MYBBP1A: variants seen among roughly 807,000 people sequenced by gnomAD.
MYBBP1A encodes myb-binding protein 1A.
Under a neutral mutation model 136.3 loss-of-function variants are expected in MYBBP1A, and 147 were observed. The observed-to-expected ratio is 1.08, with a 90% confidence interval of 0.94 to 1.24. The LOEUF (loss-of-function observed/expected upper bound fraction) is 1.24, where lower values mean the gene tolerates loss of function less well. MYBBP1A is among the 50% of genes most tolerant of loss of function. The probability of loss-of-function intolerance (pLI) is 0.00; values close to 1 mark genes in which losing one functional copy is unlikely to be tolerated. For synonymous variants in MYBBP1A, 947 were observed against 735.8 expected, an observed-to-expected ratio of 1.29 and a Z score of -4.65; for missense variants, 2,060 against 1,727.4, an observed-to-expected ratio of 1.19 and a Z score of -3.41.
At chr17:4,541,272 C>A (rs996033732) in intron 24 of MYBBP1A, among the ~76,000 whole-genome samples, 191 bp downstream of exon 24, 2 of 152,398 alleles carry the variant, frequency 1.3e-5, no homozygotes, top group Admixed American at 1.3e-4. Flanking sequence ...AGTCCCTTCC[C>A]AAGTCACTCA....
Position 4,555,331 on chromosome 17 carries a change from C to G in MYBBP1A, c.-7G>C, listed in dbSNP as rs1489345914. 1 of 1,590,582 alleles carries G rather than the reference C, an allele frequency of 6.3e-7. No homozygotes were observed. Among genetic ancestry groups the G allele is most frequent in the Non-Finnish European group, 8.5e-7 (1 of 1,169,834 alleles). ...CGGGATCCCGGCTCTCCATCTCCGC[C>G]ACACTCACCGAAACACGAAACACGT... On this transcript the variant is annotated 5_prime_UTR_variant, in exon 1 of 26. Coordinates refer to ENST00000254718, the MANE Select transcript of MYBBP1A (RefSeq NM_014520.4).
intron 24 of MYBBP1A, among the ~76,000 whole-genome samples, chr17:4,540,793 G>T (rs112659707): frequency 0.043 from 6,549 of 152,060 alleles, 457 homozygotes; most frequent in African/African-American, 0.15. Flanking sequence ...CTCCATCACC[G>T]CGGGGCTGCC....
At chr17:4,540,106 G>A (rs1906230954) in intron 25 of MYBBP1A, 139 bp from the exon 26 acceptor site, 1 of 1,199,870 alleles carries the variant, frequency 8.3e-7, no homozygotes, top group Non-Finnish European at 1.2e-6. Context: ...GTCCCGTGAG[G>A]GTCCTATGAG....
intron 8 of MYBBP1A, among the ~76,000 whole-genome samples, chr17:4,550,655 CCT>C (rs1394963944): frequency 1.3e-5 from 2 of 152,280 alleles, no homozygotes; most frequent in Non-Finnish European, 2.9e-5. Flanking sequence ...CCAGAAGGCC[CCT>C]CTTTCCGCCT....
intron 20 of MYBBP1A, 32 bp from the exon 21 acceptor site, chr17:4,542,773 C>T (rs748010666): frequency 1.1e-5 from 17 of 1,609,970 alleles, no homozygotes; most frequent in Non-Finnish European, 1.4e-5. Context: ...TGGGTGAGGC[C>T]AGGAGAGGGG....
At chr17:4,541,998 T>A (rs1906481589) in intron 22 of MYBBP1A, 107 bp from the exon 23 acceptor site, 1 of 793,650 alleles carries the variant, frequency 1.3e-6, no homozygotes, top group African/African-American at 1.7e-5. Flanking sequence ...GTGGGCAGCG[T>A]GTGAGGCTGC....
Position 4,539,634 on chromosome 17 carries a change from C to T in MYBBP1A, c.3768G>A (p.Gln1256=). Residue 1256 remains glutamine, a synonymous_variant, in exon 26 of 26, where the codon CAG becomes CAA. Coordinates refer to ENST00000254718, the MANE Select transcript of MYBBP1A (RefSeq NM_014520.4). Reference sequence around the variant, plus strand: ...GAGCTCCATTCACCTGGGACGGCTTCTGGTTTTTCTTCTGCAGTTTTGGGG... The same window carrying T: ...GAGCTCCATTCACCTGGGACGGCTTTTGGTTTTTCTTCTGCAGTTTTGGGG... ...AKSPKLQKKN[Q]KPSQVNGAPG... 1.9e-6 allele frequency: 3 copies of T among 1,612,816 alleles called. No individual in the cohort carries two copies. Among genetic ancestry groups the T allele is most frequent in the Non-Finnish European group, 2.5e-6 (3 of 1,179,172 alleles).
At chr17:4,541,136 C>T (rs556071782) in intron 24 of MYBBP1A, among the ~76,000 whole-genome samples, 37 of 151,126 alleles carry the variant, frequency 2.4e-4, no homozygotes, top group Non-Finnish European at 4.9e-4. Flanking sequence ...GCTGCTCACC[C>T]TGAATCTTCT....
Position 4,541,498 on chromosome 17 carries a change from G to A in MYBBP1A, c.3262C>T (p.Leu1088=). 6.2e-7 allele frequency: 1 copy of A among 1,613,566 alleles called. No individual in the cohort carries two copies. The highest frequency in any genetic ancestry group is 8.5e-7 in the Non-Finnish European group (1 of 1,180,036). The part of the protein sequence containing the change: ...QHQQALSSLE[L]LNVLFRTCKH... ...CAGGTCCTGAAGAGAACGTTGAGCA[G>A]CTCCAGGGAGGACAGTGCCTGCTGA... Residue 1088 remains leucine (L), a synonymous_variant, in exon 24 of 26, where the codon CTG becomes TTG. Transcript: ENST00000254718.
In MYBBP1A at chr17:4,544,340, C is replaced by G. The variant is rs573664649; in HGVS notation, c.2639+149G>C. On this transcript the variant is annotated intron_variant, in intron 19 of 25. Transcript: ENST00000254718. ...GGGAATCACTAAGTGACGTGTGCCT[C>G]TAGGGCTGAGCAGTGAGCCTGCGAG... is the stretch of plus-strand genomic sequence containing the variant. 160 of 1,029,732 alleles carry G rather than the reference C, an allele frequency of 1.6e-4. 1 individual carries two copies. The African/African-American group carries it at 1.8e-3, about 12-fold the overall frequency. 63.8% of individuals were successfully genotyped at this position (1,029,732 alleles called of 1,614,324 possible).
rs141542001 is a variant in MYBBP1A, at chr17:4,544,646, C to G, written c.2482G>C (p.Val828Leu). ...KALRRDFQIR[V>L]LDLVEVLVTK... ...ACTAGCACCTCCACCAGGTCCAGCA[C>G]CTGCAGCCAGGAGGGCAGGTCAGCA... The change falls in exon 19 of 26, where the codon GTG (valine) becomes CTG (leucine). Residue 828 changes from valine to leucine, a missense_variant and splice_region_variant. Val to Leu is a conservative substitution (Grantham distance 32). Transcript: ENST00000254718. The G allele has an allele frequency of 3.3e-4, 516 of 1,573,000 alleles. 2 individuals are homozygous for G. The African/African-American group carries it at 6.7e-3, about 20-fold the overall frequency.
chr17:4,546,109 C>A lies in MYBBP1A; in HGVS notation c.1825-167G>T, dbSNP rs151311912. On this transcript the variant is annotated intron_variant, in intron 13 of 25. Transcript: ENST00000254718. ...CACAATCCAGAACAGAAGACCCCAG[C>A]TGGACACCCCAAGAGCTGAGGGCTT... Among the ~76,000 whole-genome samples the A allele has an allele frequency of 2.8e-4, 42 of 152,360 alleles. No individual in the cohort carries two copies. In the East Asian group the frequency reaches 7.7e-3, roughly 28 times the overall value.
intron 17 of MYBBP1A, 25 bp downstream of exon 17, chr17:4,545,001 C>T (rs114480019): frequency 1.1e-5 from 14 of 1,251,940 alleles, no homozygotes; most frequent in Admixed American, 2.6e-5. Context: ...CCCCGGCCGC[C>T]CCCCCCTCCA....
rs1179321755 is a variant in MYBBP1A, at chr17:4,541,531, C to T, written c.3229G>A (p.Ala1077Thr). Residue 1077 changes from alanine (A) to threonine (T), a missense_variant, in exon 24 of 26, where the codon GCG becomes ACG. Coordinates refer to ENST00000254718, the MANE Select transcript of MYBBP1A (RefSeq NM_014520.4). The stretch of plus-strand genomic sequence containing the variant: ...GAGGACAGTGCCTGCTGATGCTGCG[C>T]CTTGGTCTGCGCCTCCCCCAGCACG... Reference protein sequence around the residue: ...LRVLGEAQTKAQHQQALSSLE... With the variant: ...LRVLGEAQTKTQHQQALSSLE... The T allele has an allele frequency of 6.2e-7, 1 of 1,613,354 alleles. No homozygotes were observed.
intron 5 of MYBBP1A, among the ~76,000 whole-genome samples, chr17:4,553,563 T>G (rs1907726842): frequency 1.3e-5 from 2 of 152,226 alleles, no homozygotes; most frequent in African/African-American, 4.8e-5. Flanking sequence ...GTAAGATATC[T>G]CAACACTTTT....
chr17:4,539,860 C>T lies in MYBBP1A; in HGVS notation c.3542G>A (p.Arg1181His), dbSNP rs764796216. The change falls in exon 26 of 26, where the codon CGC (arginine) becomes CAC (histidine). Residue 1181 changes from arginine (R) to histidine (H), a missense_variant. By Grantham distance (29) the Arg-to-His change is conservative. Transcript: ENST00000254718. ...GCCATCCTCTGACTTGCGTTTCTTG[C>T]GCTTCTTCGTCTCTGGCAAGAATCC... is the stretch of plus-strand genomic sequence containing the variant. ...KKGFLPETKK[R>H]KKRKSEDGTP... 25 of 1,606,746 alleles carry T rather than the reference C, an allele frequency of 1.6e-5. No homozygotes were observed. The highest frequency in any genetic ancestry group is 1.6e-4 in the Middle Eastern group (1 of 6,082).
At chr17:4,544,438 G>T in intron 19 of MYBBP1A, 51 bp downstream of exon 19, 1 of 1,538,016 alleles carries the variant, frequency 6.5e-7, no homozygotes. Context: ...TGGCTCTCCT[G>T]CGCCTGGGGG....
intron 17 of MYBBP1A, 42 bp downstream of exon 17, chr17:4,544,984 G>A (rs1416560608): frequency 5.3e-5 from 81 of 1,520,294 alleles, no homozygotes; most frequent in East Asian, 1.9e-4. Flanking sequence ...GGGGACACCC[G>A]AGCCCTCCCC....
chr17:4,547,905 C>T, intron 13 of MYBBP1A, 53 bp downstream of exon 13: 14 of 1,366,860 alleles, frequency 1.0e-5, no homozygotes, highest in Non-Finnish European at 1.3e-5. Flanking sequence ...GTAGGGGGCC[C>T]ATTGTGCCAT....
Sources: gnomAD v4.1 joint callset for allele counts (sites outside exome capture counted in the v4.1 genomes callset) on GRCh38, gnomAD v4.1.1 for gene constraint, MANE v1.5 for transcripts, NCBI Gene and HGNC (gene_info 2026-07-23, HGNC 2026-07-21) for gene names.